Variants in ARHGEF19 observed in about 807,000 individuals in gnomAD.
ARHGEF19 encodes Rho guanine nucleotide exchange factor (GEF) 19.
A neutral mutation model predicts 87.6 loss-of-function variants in ARHGEF19; 92 were observed. That is an observed-to-expected ratio of 1.05 (90% CI 0.89 to 1.25). ARHGEF19 has a LOEUF of 1.25. Ranked by LOEUF, ARHGEF19 falls within the 50% of genes most tolerant of loss-of-function variation. The pLI is 0.00. For synonymous variants in ARHGEF19, 438 were observed against 446.2 expected (o/e 0.98, Z 0.23); for missense variants, 1,054 against 1,051.8 (o/e 1.00, Z -0.03).
At position 16,206,036 on chromosome 1, in the gene ARHGEF19, A is replaced by T; in HGVS notation, c.1346T>A (p.Phe449Tyr). Residue 449 changes from phenylalanine (F) to tyrosine (Y), a missense_variant, in exon 8 of 16, where the codon TTC (phenylalanine) becomes TAC (tyrosine). Phe to Tyr is a conservative substitution (Grantham distance 22, BLOSUM62 3). Coordinates refer to ENST00000270747, the MANE Select transcript of ARHGEF19 (RefSeq NM_153213.5). This position sits in a 1 kb window ranked among gnomAD's most constrained non-coding sequence, Gnocchi z 4.6. ...EQRLEADVLRFSVCDVVLDHC... is the reference protein window; with the variant it reads ...EQRLEADVLRYSVCDVVLDHC... ...GTCCAGCACCACGTCGCACACGCTG[A>T]AGCGCAGCACATCTGCCTCCAGCCG... 1 of 1,594,062 alleles carries T rather than the reference A, an allele frequency of 6.3e-7. No individual in the cohort carries two copies. Among genetic ancestry groups the T allele is most frequent in the Non-Finnish European group, 8.5e-7 (1 of 1,170,370 alleles).
Position 16,204,890 on chromosome 1 carries a change from C to A in ARHGEF19, c.1776G>T (p.Trp592Cys). 1 of 1,603,624 alleles carries A rather than the reference C, an allele frequency of 6.2e-7. No individual in the cohort carries two copies. Among genetic ancestry groups the A allele is most frequent in the Non-Finnish European group, 8.5e-7 (1 of 1,175,020 alleles). The change falls in exon 12 of 16, where the codon TGG (tryptophan) becomes TGT (cysteine). Residue 592 changes from tryptophan to cysteine, a missense_variant. Trp to Cys is a radical substitution (Grantham distance 215). Coordinates refer to ENST00000270747, the MANE Select transcript of ARHGEF19 (RefSeq NM_153213.5). ...CTACCAACTCTCCATGCCGAACCAG[C>A]CAGCGGGCCTGAGAGATCAGCGGGA... ...KIFPLISQAR[W>C]LVRHGELVEL...
chr1:16,202,667 G>A (rs1262873861), intron 12 of ARHGEF19, 93 bp from the exon 13 acceptor site: 2 of 1,504,044 alleles, frequency 1.3e-6, no homozygotes, highest in Non-Finnish European at 1.8e-6. Flanking sequence ...TGGAAGTGGG[G>A]AGAAGGGGTT....
In ARHGEF19 at chr1:16,207,303, C is replaced by A; in HGVS notation, c.875-93G>T. On this transcript the variant is annotated intron_variant, in intron 5 of 15. Coordinates refer to ENST00000270747, the MANE Select transcript of ARHGEF19 (RefSeq NM_153213.5). This position sits in a 1 kb window ranked among gnomAD's most constrained non-coding sequence, Gnocchi z 4.0. Reference sequence around the variant, plus strand: ...CCCTCAAGAGCCCGCGTCACTTAACCTTTGCCGCGGTTCGGATATCTGGAC... The same window carrying A: ...CCCTCAAGAGCCCGCGTCACTTAACATTTGCCGCGGTTCGGATATCTGGAC... 7.0e-7 allele frequency: 1 copy of A among 1,437,200 alleles called. No individual in the cohort carries two copies. Among genetic ancestry groups the A allele is most frequent in the Middle Eastern group, 2.5e-4 (1 of 3,930 alleles). 89.0% of individuals were successfully genotyped at this position (1,437,200 alleles called of 1,614,324 possible). A position where few individuals can be genotyped will look rare whatever the true frequency, so the allele number is the denominator to read the frequency against.
chr1:16,199,598 C>T (rs1304685406), intron 14 of ARHGEF19, among the ~76,000 whole-genome samples: 2 of 152,098 alleles, frequency 1.3e-5, no homozygotes, highest in African/African-American at 4.8e-5. Flanking sequence ...CCCCAGATAC[C>T]CCACAGAAAA....
At chr1:16,199,730 T>G (rs2081069769) in intron 14 of ARHGEF19, among the ~76,000 whole-genome samples, 1 of 152,104 alleles carries the variant, frequency 6.6e-6, no homozygotes, top group Admixed American at 6.5e-5. Context: ...CCCAGTCCTC[T>G]TAGAATAAAA....
At chr1:16,199,075 T>C in intron 15 of ARHGEF19, 75 bp downstream of exon 15, 1 of 1,424,096 alleles carries the variant, frequency 7.0e-7, no homozygotes, top group Non-Finnish European at 9.9e-7. Flanking sequence ...CCTTTCCCTG[T>C]GATATCTTAG....
chr1:16,199,318 A>T, intron 14 of ARHGEF19, 64 bp from the exon 15 acceptor site: 29 of 1,270,440 alleles, frequency 2.3e-5, no homozygotes, highest in Non-Finnish European at 3.0e-5. Context: ...GAGCATGGGT[A>T]GGGCAGGGAG....
At chr1:16,203,928 AT>A (rs1338067810) in intron 12 of ARHGEF19, among the ~76,000 whole-genome samples, 1 of 152,224 alleles carries the variant, frequency 6.6e-6, no homozygotes, top group Non-Finnish European at 1.5e-5. Context: ...TCTCATTCAT[AT>A]TTATGTCCCT....
chr1:16,201,410 C>T lies in ARHGEF19; in HGVS notation c.2146+372G>A, dbSNP rs556831047. On this transcript the variant is annotated intron_variant, in intron 14 of 15. Coordinates refer to ENST00000270747, the MANE Select transcript of ARHGEF19 (RefSeq NM_153213.5). ...CCTCATACCCTGGCTCTGGCTGCTT[C>T]TTGTCTTGTTTGCAACTGACGCAAA... 1.4e-4 allele frequency among the ~76,000 whole-genome samples: 22 copies of T among 152,338 alleles called. No homozygotes were observed. The South Asian group carries it at 4.4e-3, about 30-fold the overall frequency.
chr1:16,209,994 C>T (rs892128831), intron 1 of ARHGEF19, among the ~76,000 whole-genome samples: 6 of 152,250 alleles, frequency 3.9e-5, no homozygotes, highest in African/African-American at 1.4e-4. Context: ...CTGGGTGGGC[C>T]AGGCTGGATG....
rs777234588 is a variant in ARHGEF19 at position 16,205,040 on chromosome 1, A to G, written c.1746+47T>C. On this transcript the variant is annotated intron_variant, in intron 11 of 15. Coordinates refer to ENST00000270747, the MANE Select transcript of ARHGEF19 (RefSeq NM_153213.5). This position sits in a 1 kb window ranked among gnomAD's most constrained non-coding sequence, Gnocchi z 5.8. ...GAAGCCCCCAGGGCAAGGAAGAAACAAGAGCTGCCCCTTGGGGTCCCCATC... is the reference window on the plus strand; with the variant it reads ...GAAGCCCCCAGGGCAAGGAAGAAACGAGAGCTGCCCCTTGGGGTCCCCATC... The G allele has an allele frequency of 1.9e-6, 3 of 1,567,958 alleles. No individual in the cohort carries two copies. The highest frequency in any genetic ancestry group is 2.6e-6 in the Non-Finnish European group (3 of 1,155,982).
At chr1:16,201,626 C>T (rs1258615603) in intron 14 of ARHGEF19, among the ~76,000 whole-genome samples, 156 bp downstream of exon 14, 1 of 152,196 alleles carries the variant, frequency 6.6e-6, no homozygotes, top group East Asian at 1.9e-4. Context: ...GTAAGTTCTG[C>T]CCAGCCTTCA....
At position 16,206,897 on chromosome 1, in the gene ARHGEF19, C is replaced by T. The variant is rs938946186; in HGVS notation, c.1137+51G>A. 12 of 1,413,136 alleles carry T rather than the reference C, an allele frequency of 8.5e-6. No individual in the cohort carries two copies. The highest frequency in any genetic ancestry group is 1.1e-5 in the Non-Finnish European group (12 of 1,093,888). 87.5% of individuals were successfully genotyped at this position (1,413,136 alleles called of 1,614,324 possible). A position where few individuals can be genotyped will look rare whatever the true frequency, so the allele number is the denominator to read the frequency against. ...CCCGGTTCCCGCTAAGTCCCCGGAC[C>T]GCGTACTCCCCGGCCCGCCCCCGCC... On this transcript the variant is annotated intron_variant, in intron 6 of 15. Transcript: ENST00000270747. The surrounding 1 kb of genome is among the most constrained non-coding windows in gnomAD (Gnocchi z 4.6).
chr1:16,202,320 G>C (rs866790132), intron 13 of ARHGEF19, 96 bp downstream of exon 13: 2 of 1,448,664 alleles, frequency 1.4e-6, no homozygotes, highest in Middle Eastern at 2.5e-4. Context: ...GATGTCCCAG[G>C]GGTGCCCGCC....
Position 16,202,479 on chromosome 1 carries a change from A to C in ARHGEF19, c.2003T>G (p.Phe668Cys). The change falls in exon 13 of 16, where the codon TTC becomes TGC. Residue 668 changes from phenylalanine (F) to cysteine (C), a missense_variant. Transcript: ENST00000270747. ...LKLQGIPGHV[F>C]LLQLLHGQHM... ...CTGCCCGTGGAGGAGCTGGAGGAGG[A>C]ACACGTGGCCGGGGATGCCCTGCAG... 6.2e-7 allele frequency: 1 copy of C among 1,614,180 alleles called. No individual in the cohort carries two copies. The highest frequency in any genetic ancestry group is 8.5e-7 in the Non-Finnish European group (1 of 1,180,038).
chr1:16,198,480 AAGCGAAGTGCCAGCAGG>A lies in ARHGEF19; in HGVS notation c.*90_*106del, dbSNP rs1459799296. 4.6e-5 allele frequency: 65 copies of A among 1,407,894 alleles called. No individual in the cohort carries two copies. Among genetic ancestry groups the A allele is most frequent in the Non-Finnish European group, 5.6e-5 (59 of 1,055,916 alleles). 87.2% of individuals were successfully genotyped at this position (1,407,894 alleles called of 1,614,324 possible). A position where few individuals can be genotyped will look rare whatever the true frequency, so the allele number is the denominator to read the frequency against. On this transcript the variant is annotated 3_prime_UTR_variant, in exon 16 of 16. Transcript: ENST00000270747. The surrounding 1 kb of genome is among the most constrained non-coding windows in gnomAD (Gnocchi z 4.1). ...TGTGCCCTCAATGCCAAGGCCACAG[AAGCGAAGTGCCAGCAGG>A]AGCAGCTTGGGGAATGGAGACACTG...
chr1:16,210,369 G>A (rs1414062683), intron 1 of ARHGEF19, among the ~76,000 whole-genome samples: 1 of 152,214 alleles, frequency 6.6e-6, no homozygotes, highest in East Asian at 1.9e-4. Context: ...CCCCCCAGAG[G>A]CCCCCTCAGG....
chr1:16,204,654 G>A, intron 12 of ARHGEF19, 105 bp downstream of exon 12: 4 of 1,363,186 alleles, frequency 2.9e-6, no homozygotes, highest in Non-Finnish European at 3.9e-6. Context: ...CCTGGCACAG[G>A]CAGGGACTCC....
intron 1 of ARHGEF19, among the ~76,000 whole-genome samples, chr1:16,209,655 T>A (rs942737466): frequency 6.6e-6 from 1 of 151,828 alleles, no homozygotes; most frequent in African/African-American, 2.4e-5. Context: ...CACAGACAAC[T>A]CCTCACAAAC....
Sources: gnomAD v4.1 joint callset for allele counts (sites outside exome capture counted in the v4.1 genomes callset) on GRCh38, gnomAD v4.1.1 for gene constraint, Gnocchi (gnomAD v3.1) non-coding constraint, MANE v1.5 for transcripts, NCBI Gene and HGNC (gene_info 2026-07-23, HGNC 2026-07-21) for gene names.